FBXO40: variants seen among roughly 807,000 people sequenced by gnomAD.
FBXO40 encodes the protein F-box protein 40.
A neutral mutation model predicts 49.9 loss-of-function variants in FBXO40; 50 were observed. That is an observed-to-expected ratio of 1.00 (90% confidence interval 0.80 to 1.27). The LOEUF (loss-of-function observed/expected upper bound fraction) is 1.27. Ranked by LOEUF, FBXO40 falls within the 50% of genes most tolerant of loss-of-function variation. FBXO40 has a pLI of 0.00. For synonymous variants in FBXO40, 340 were observed against 320.2 expected (o/e 1.06, Z -0.66); for missense variants, 895 against 870.1 (o/e 1.03, Z -0.36).
chr3:121,621,851 T>A lies in FBXO40; in HGVS notation c.422T>A (p.Leu141Ter). ...GATCAGAAGGTCCTCTTCAGATCCT[T>A]GAAAATGGTGGAACTTTTCCCAGAA... ...LQDQKVLFRSLKMVELFPETR... is the reference protein window; with the variant it reads ...LQDQKVLFRS The change falls in exon 3 of 4, where the codon TTG becomes TAG. Residue 141 changes from leucine (L) to a stop codon, truncating the protein, a stop_gained. Transcript: ENST00000338040. LOFTEE classifies it high-confidence loss of function. 1 of 1,614,156 alleles carries A rather than the reference T, an allele frequency of 6.2e-7. No homozygotes were observed. Among genetic ancestry groups the A allele is most frequent in the Non-Finnish European group, 8.5e-7 (1 of 1,180,030 alleles).
In FBXO40 at chr3:121,628,886, A is replaced by G. The variant is rs1239680283; in HGVS notation, c.*1976A>G. The G allele has an allele frequency of 6.6e-6, 1 of 152,182 alleles. No individual in the cohort carries two copies. The highest frequency in any genetic ancestry group is 1.5e-5 in the Non-Finnish European group (1 of 68,034). The allele number at this position is 152,182 out of a possible 1,614,324, so 9.4% of individuals were successfully genotyped here. A position where few individuals can be genotyped will look rare whatever the true frequency, so the allele number is the denominator to read the frequency against. ...CTCTTTGGTTATACCTGAAGCCAGG[A>G]GCGTTGAGTTATTAGCCTTGTGTTT... On this transcript the variant is annotated 3_prime_UTR_variant, in exon 4 of 4. Transcript: ENST00000338040.
intron 1 of FBXO40, among the ~76,000 whole-genome samples, chr3:121,609,886 C>T (rs1308754171): frequency 6.6e-6 from 1 of 152,146 alleles, no homozygotes; most frequent in Non-Finnish European, 1.5e-5. Flanking sequence ...GTAAAATGCT[C>T]CCATATTGAA....
chr3:121,614,745 C>T (rs1266940243), intron 1 of FBXO40, among the ~76,000 whole-genome samples: 3 of 152,162 alleles, frequency 2.0e-5, no homozygotes, highest in African/African-American at 7.2e-5. Context: ...TAAAATGAGC[C>T]CCACTTACCC....
intron 1 of FBXO40, among the ~76,000 whole-genome samples, chr3:121,607,542 C>T (rs1424195623): frequency 2.0e-5 from 3 of 151,854 alleles, no homozygotes; most frequent in Non-Finnish European, 4.4e-5. Context: ...ATCTCCTGAC[C>T]TCGTGATCCG....
At chr3:121,609,328 G>A (rs1028772247) in intron 1 of FBXO40, among the ~76,000 whole-genome samples, 2 of 151,654 alleles carry the variant, frequency 1.3e-5, no homozygotes, top group Non-Finnish European at 2.9e-5. Context: ...GTAGTTCCTA[G>A]GAAATTTAGC....
chr3:121,600,903 A>T (rs546367191), intron 1 of FBXO40, among the ~76,000 whole-genome samples: 47 of 152,320 alleles, frequency 3.1e-4, no homozygotes, highest in Non-Finnish European at 5.0e-4. Flanking sequence ...CCCATGGGGG[A>T]TAAGGATCCT....
At chr3:121,617,099 A>C (rs1258234335) in intron 1 of FBXO40, among the ~76,000 whole-genome samples, 1 of 152,184 alleles carries the variant, frequency 6.6e-6, no homozygotes, top group Non-Finnish European at 1.5e-5. Context: ...TTGATAGCAG[A>C]GTAGGGTGAC....
Position 121,627,468 on chromosome 3 carries a change from C to T in FBXO40, c.*558C>T, listed in dbSNP as rs901089076. 1.1e-5 allele frequency: 2 copies of T among 176,294 alleles called. No homozygotes were observed. The highest frequency in any genetic ancestry group is 4.7e-5 in the African/African-American group (2 of 42,400). The allele number at this position is 176,294 out of a possible 1,614,324, so 10.9% of individuals were successfully genotyped here. A position where few individuals can be genotyped will look rare whatever the true frequency, so the allele number is the denominator to read the frequency against. Reference sequence around the variant, plus strand: ...CCTCTAGGCCAGGGTAGTCCTAACACAGCCTGACATAGGAGAGCCCCTGGC... The same window carrying T: ...CCTCTAGGCCAGGGTAGTCCTAACATAGCCTGACATAGGAGAGCCCCTGGC... On this transcript the variant is annotated 3_prime_UTR_variant, in exon 4 of 4. Coordinates refer to ENST00000338040, the MANE Select transcript of FBXO40 (RefSeq NM_016298.4).
At chr3:121,613,842 CTGTT>C (rs1165471901) in intron 1 of FBXO40, among the ~76,000 whole-genome samples, 9 of 152,172 alleles carry the variant, frequency 5.9e-5, no homozygotes, top group Non-Finnish European at 1.0e-4. Context: ...AAAAGCTAAA[CTGTT>C]TGGTGGCCGG....
At chr3:121,615,084 A>G (rs1181858732) in intron 1 of FBXO40, among the ~76,000 whole-genome samples, 2 of 151,670 alleles carry the variant, frequency 1.3e-5, no homozygotes, top group Non-Finnish European at 2.9e-5. Flanking sequence ...ATGTGCCTGT[A>G]GTCCCAGCTA....
intron 1 of FBXO40, among the ~76,000 whole-genome samples, chr3:121,614,447 A>AAAAAAG (rs1310491902): frequency 2.0e-5 from 3 of 151,876 alleles, no homozygotes; most frequent in South Asian, 2.1e-4. Flanking sequence ...GTCTCAAAAA[A>AAAAAAG]AAAAAGAAAA....
intron 1 of FBXO40, among the ~76,000 whole-genome samples, chr3:121,615,200 CAAAAAAAA>C (rs11448457): frequency 1.4e-5 from 1 of 69,422 alleles, no homozygotes; most frequent in Admixed American, 2.1e-4. Flanking sequence ...GAGAGCATCT[CAAAAAAAA>C]AAAAAAAAAA....
chr3:121,620,639 T>C, intron 2 of FBXO40, 61 bp downstream of exon 2: 2 of 1,604,914 alleles, frequency 1.2e-6, no homozygotes, highest in Admixed American at 1.7e-5. Context: ...CCTTCATTTA[T>C]CCTGTAGCCC....
chr3:121,611,709 C>T (rs965226952), intron 1 of FBXO40, among the ~76,000 whole-genome samples: 1 of 152,198 alleles, frequency 6.6e-6, no homozygotes, highest in Admixed American at 6.5e-5. Flanking sequence ...TCTCATCCCA[C>T]GAGGCCATAT....
intron 1 of FBXO40, among the ~76,000 whole-genome samples, chr3:121,619,246 C>T (rs1231267804): frequency 6.6e-6 from 1 of 151,932 alleles, no homozygotes. Flanking sequence ...TGGGCTCAAG[C>T]AATCAACCTA....
chr3:121,605,872 G>T (rs2048929833), intron 1 of FBXO40, among the ~76,000 whole-genome samples: 1 of 152,170 alleles, frequency 6.6e-6, no homozygotes, highest in Non-Finnish European at 1.5e-5. Flanking sequence ...TATCCACCAG[G>T]GCAAGCCTGA....
At chr3:121,594,202 A>T (rs963404160) in intron 1 of FBXO40, among the ~76,000 whole-genome samples, 5 of 147,478 alleles carry the variant, frequency 3.4e-5, no homozygotes, top group Non-Finnish European at 7.5e-5. Flanking sequence ...TATTTAATTC[A>T]TTGTTATTAT....
Position 121,622,414 on chromosome 3 carries a change from C to T in FBXO40, c.985C>T (p.Pro329Ser). ...CTTTGGTCAGATGCCTGCTTGTACA[C>T]CCAAGGAGAGAGACTTTGTTTATGG... ...IHFGQMPACT[P>S]KERDFVYGKL... Residue 329 changes from proline to serine, a missense_variant, in exon 3 of 4, where the codon CCC becomes TCC. Coordinates refer to ENST00000338040, the MANE Select transcript of FBXO40 (RefSeq NM_016298.4). The T allele has an allele frequency of 6.2e-7, 1 of 1,614,162 alleles. No individual in the cohort carries two copies. Among genetic ancestry groups the T allele is most frequent in the Non-Finnish European group, 8.5e-7 (1 of 1,180,040 alleles).
chr3:121,621,087 C>T (rs1394631974), intron 2 of FBXO40, among the ~76,000 whole-genome samples: 1 of 152,142 alleles, frequency 6.6e-6, no homozygotes, highest in Non-Finnish European at 1.5e-5. Context: ...AGATAAAAAG[C>T]AGGATGAAAA....
Sources: allele counts gnomAD v4.1 joint callset (sites outside exome capture counted in the v4.1 genomes callset), GRCh38; gene constraint gnomAD v4.1.1; transcripts MANE v1.5; gene names NCBI Gene and HGNC (gene_info 2026-07-23, HGNC 2026-07-21).